Variants in SYNPR observed in about 807,000 individuals in gnomAD.
The protein encoded by SYNPR is synaptoporin.
In SYNPR, 23 loss-of-function variants were observed where a neutral mutation model predicts 32.9. The ratio of observed to expected loss-of-function variants is 0.70; its 90% CI spans 0.50 to 0.99. The LOEUF (loss-of-function observed/expected upper bound fraction) is 0.99, where lower values mean the gene tolerates loss of function less well. Among genes scored for constraint, SYNPR ranks in the 50% least tolerant of loss-of-function variants. SYNPR has a pLI of 0.00. For missense variants in SYNPR, 318 were observed against 349.3 expected (o/e 0.91, Z 0.71); for synonymous variants, 146 against 135.9 (o/e 1.07, Z -0.52).
intron 2 of SYNPR, among the ~76,000 whole-genome samples, chr3:63,415,417 A>T (rs2088527474): frequency 2.0e-5 from 3 of 149,212 alleles, no homozygotes; most frequent in Admixed American, 6.7e-5. Flanking sequence ...AGAATTAAGA[A>T]TTTTTTTTTT....
chr3:63,305,193 C>T (rs1486044631), intron 2 of SYNPR, among the ~76,000 whole-genome samples: 1 of 152,006 alleles, frequency 6.6e-6, no homozygotes, highest in Non-Finnish European at 1.5e-5. Flanking sequence ...TGTACAATCT[C>T]ATGAGTGACC....
chr3:63,447,623 G>A (rs980999862), intron 2 of SYNPR, among the ~76,000 whole-genome samples: 10 of 148,034 alleles, frequency 6.8e-5, no homozygotes, highest in Non-Finnish European at 1.5e-5. Flanking sequence ...TCTTCTAGAA[G>A]AGGCTCTTGG....
intron 2 of SYNPR, among the ~76,000 whole-genome samples, chr3:63,479,446 G>GCGCACACA (rs6147854): frequency 2.8e-4 from 38 of 135,852 alleles, no homozygotes; most frequent in East Asian, 2.7e-3. Context: ...CCACACACAT[G>GCGCACACA]CACACACACA....
chr3:63,338,801 C>T lies in SYNPR; in HGVS notation c.84+60059C>T, dbSNP rs925084412. ...TCACTATGCTGTTCACAGGTTTCTCCGAAGCAGGGACATGTTCAGAATCCA... is the reference window on the plus strand; with the variant it reads ...TCACTATGCTGTTCACAGGTTTCTCTGAAGCAGGGACATGTTCAGAATCCA... On this transcript the variant is annotated intron_variant, in intron 2 of 5. Coordinates refer to ENST00000478300, the MANE Select transcript of SYNPR (RefSeq NM_001130003.2). Among the ~76,000 whole-genome samples, 8 of 152,266 alleles carry T rather than the reference C, an allele frequency of 5.3e-5. No homozygotes were observed. The East Asian group carries it at 1.2e-3, about 22-fold the overall frequency.
intron 2 of SYNPR, among the ~76,000 whole-genome samples, chr3:63,353,523 C>T (rs2087537059): frequency 6.6e-6 from 1 of 152,172 alleles, no homozygotes; most frequent in Non-Finnish European, 1.5e-5. Context: ...CCACACAGCC[C>T]TAAAGTGGAG....
At chr3:63,400,650 A>T (rs1427081990) in intron 2 of SYNPR, among the ~76,000 whole-genome samples, 1 of 152,308 alleles carries the variant, frequency 6.6e-6, no homozygotes, top group African/African-American at 2.4e-5. Flanking sequence ...ATGACATTCT[A>T]TTCATTGATG....
chr3:63,596,849 T>C (rs1699968578), intron 4 of SYNPR, among the ~76,000 whole-genome samples: 1 of 152,152 alleles, frequency 6.6e-6, no homozygotes, highest in South Asian at 2.1e-4. Context: ...CATTTGTTAA[T>C]TGTGGATTAG....
In SYNPR at chr3:63,616,733, C is replaced by G. The variant is rs1700283430; in HGVS notation, c.*1252C>G. 1 of 152,606 alleles carries G rather than the reference C, an allele frequency of 6.6e-6. No individual in the cohort carries two copies. Among genetic ancestry groups the G allele is most frequent in the African/African-American group, 2.4e-5 (1 of 41,426 alleles). The allele number at this position is 152,606 out of a possible 1,614,324, so 9.5% of individuals were successfully genotyped here. On this transcript the variant is annotated 3_prime_UTR_variant, in exon 6 of 6. Transcript: ENST00000478300. ...ACCAGGACCCAATAGAGAGGGCAAG[C>G]TGAGCATCTGTATTTCCAGATAAAA...
At chr3:63,524,027 A>T (rs1701959149) in intron 3 of SYNPR, among the ~76,000 whole-genome samples, 1 of 152,022 alleles carries the variant, frequency 6.6e-6, no homozygotes, top group South Asian at 2.1e-4. Flanking sequence ...CCATAACTGC[A>T]TCCAAAATAC....
chr3:63,299,319 C>T (rs2086820282), intron 2 of SYNPR, among the ~76,000 whole-genome samples: 1 of 152,050 alleles, frequency 6.6e-6, no homozygotes. Context: ...TATATCTGTT[C>T]TTTGCTACTC....
intron 2 of SYNPR, among the ~76,000 whole-genome samples, chr3:63,423,361 G>A (rs899454164): frequency 3.3e-5 from 5 of 152,212 alleles, no homozygotes; most frequent in Admixed American, 6.5e-5. Flanking sequence ...TATGGCACCA[G>A]CTTTTGAGAA....
At chr3:63,596,496 C>T (rs1228486586) in intron 4 of SYNPR, among the ~76,000 whole-genome samples, 1 of 152,002 alleles carries the variant, frequency 6.6e-6, no homozygotes, top group Non-Finnish European at 1.5e-5. Flanking sequence ...CCCCCAACAC[C>T]TAACAAAATG....
chr3:63,602,601 G>C (rs1463947924), intron 4 of SYNPR, among the ~76,000 whole-genome samples: 1 of 152,162 alleles, frequency 6.6e-6, no homozygotes, highest in South Asian at 2.1e-4. Context: ...ATTGAAGAGG[G>C]AGTTCTTTCC....
At chr3:63,263,751 G>A (rs2106902681) in intron 2 of SYNPR, among the ~76,000 whole-genome samples, 1 of 152,348 alleles carries the variant, frequency 6.6e-6, no homozygotes, top group Admixed American at 6.5e-5. Context: ...CCCTGGCTGT[G>A]CAGTGGGTTT....
intron 2 of SYNPR, among the ~76,000 whole-genome samples, chr3:63,344,046 C>A (rs530372152): frequency 1.3e-5 from 2 of 152,198 alleles, no homozygotes; most frequent in African/African-American, 4.8e-5. Flanking sequence ...TGTTCAGAGG[C>A]GGTTCATTTG....
the SYNPR span, among the ~76,000 whole-genome samples, chr3:63,222,385 A>C: frequency 6.6e-6 from 1 of 152,104 alleles, no homozygotes; most frequent in African/African-American, 2.4e-5. Flanking sequence ...CAAATTTTAA[A>C]ATTATTTTTA....
intron 3 of SYNPR, among the ~76,000 whole-genome samples, chr3:63,500,713 T>C (rs1701462474): frequency 6.6e-6 from 1 of 152,168 alleles, no homozygotes; most frequent in Non-Finnish European, 1.5e-5. Flanking sequence ...TCAAAACTTG[T>C]TTTCACTCAC....
intron 3 of SYNPR, among the ~76,000 whole-genome samples, chr3:63,527,539 C>T (rs1702035948): frequency 6.6e-6 from 1 of 152,212 alleles, no homozygotes; most frequent in Non-Finnish European, 1.5e-5. Flanking sequence ...AGCACCTCTG[C>T]AGACAGAGGG....
intron 2 of SYNPR, among the ~76,000 whole-genome samples, chr3:63,401,230 A>G (rs1367879522): frequency 1.3e-5 from 2 of 152,198 alleles, no homozygotes; most frequent in East Asian, 1.9e-4. Context: ...AAGGGAAACA[A>G]CAAAGTAAGT....
Sources: gnomAD v4.1 joint callset for allele counts (sites outside exome capture counted in the v4.1 genomes callset) on GRCh38, gnomAD v4.1.1 for gene constraint, MANE v1.5 for transcripts, NCBI Gene and HGNC (gene_info 2026-07-23, HGNC 2026-07-21) for gene names.